TFCP2L1: variants seen among roughly 807,000 people sequenced by gnomAD.
The protein encoded by TFCP2L1 is transcription factor CP2-like protein 1.
In TFCP2L1, 12 loss-of-function variants were observed where a neutral mutation model predicts 72.2. The ratio of observed to expected loss-of-function variants is 0.17; its 90% confidence interval spans 0.11 to 0.27. TFCP2L1 has a LOEUF of 0.27. Ranked by LOEUF, TFCP2L1 falls within the 10% of genes least tolerant of loss-of-function variation. The pLI is 1.00. For missense variants in TFCP2L1, 488 were observed against 624.6 expected (o/e 0.78, Z 2.33); for synonymous variants, 260 against 251.0 (o/e 1.04, Z -0.34).
chr2:121,244,329 G>T (rs1686437405), intron 6 of TFCP2L1, among the ~76,000 whole-genome samples: 1 of 152,252 alleles, frequency 6.6e-6, no homozygotes, highest in Non-Finnish European at 1.5e-5. Flanking sequence ...AGGCTTCCCA[G>T]TAACTGGGGT....
intron 2 of TFCP2L1, among the ~76,000 whole-genome samples, chr2:121,260,871 G>C (rs375398941): frequency 6.6e-6 from 1 of 152,196 alleles, no homozygotes; most frequent in African/African-American, 2.4e-5. Context: ...GCAATTGCCC[G>C]AGCTAGCCAA....
rs1305346656 is a variant in TFCP2L1 at position 121,281,203 on chromosome 2, A to G, written c.131T>C (p.Leu44Pro). 3.7e-6 allele frequency: 6 copies of G among 1,611,240 alleles called. No individual in the cohort carries two copies. Among genetic ancestry groups the G allele is most frequent in the Non-Finnish European group, 4.2e-6 (5 of 1,179,338 alleles). The stretch of plus-strand genomic sequence containing the variant: ...ACACAACACATATTGCAGGGGTGGC[A>G]GGCGGGCCTCGTTCTCGGGGGACAG... The part of the protein sequence containing the change: ...PQLSPENEAR[L>P]PPLQYVLCAA... The change falls in exon 2 of 15, where the codon CTG (leucine) becomes CCG (proline). Residue 44 changes from leucine to proline, a missense_variant. Physicochemically the swap from Leu to Pro is moderately conservative, Grantham distance 98. Around this residue, in one of 3 missense-constraint regions of TFCP2L1, gnomAD observed 73 missense variants for 59.7 expected, o/e 1.22. Transcript: ENST00000263707.
intron 8 of TFCP2L1, among the ~76,000 whole-genome samples, chr2:121,238,059 A>C (rs1211987453): frequency 2.0e-5 from 3 of 152,194 alleles, no homozygotes; most frequent in Non-Finnish European, 4.4e-5. Flanking sequence ...TTCATTGTAG[A>C]CAGCAAGTTC....
At chr2:121,279,045 A>T (rs2104767441) in intron 2 of TFCP2L1, among the ~76,000 whole-genome samples, 1 of 152,098 alleles carries the variant, frequency 6.6e-6, no homozygotes, top group East Asian at 1.9e-4. Context: ...AAGGTAAGGA[A>T]CTCAGCTAAT....
intron 2 of TFCP2L1, among the ~76,000 whole-genome samples, chr2:121,257,725 C>T (rs1009694200): frequency 6.6e-6 from 1 of 152,228 alleles, no homozygotes; most frequent in East Asian, 1.9e-4. Context: ...AGCCAGGAAG[C>T]GGTCACACAC....
intron 8 of TFCP2L1, among the ~76,000 whole-genome samples, chr2:121,239,020 G>A (rs1257749990): frequency 6.6e-6 from 1 of 152,094 alleles, no homozygotes; most frequent in Non-Finnish European, 1.5e-5. Context: ...GTGCTGTGCA[G>A]CCCACAACAC....
chr2:121,252,513 G>C (rs1255317737), intron 2 of TFCP2L1, among the ~76,000 whole-genome samples: 1 of 152,178 alleles, frequency 6.6e-6, no homozygotes, highest in Non-Finnish European at 1.5e-5. Flanking sequence ...AAGATTCTGA[G>C]ACGAGGAAGT....
chr2:121,265,439 C>G (rs547700809), intron 2 of TFCP2L1, among the ~76,000 whole-genome samples: 1 of 151,854 alleles, frequency 6.6e-6, no homozygotes, highest in South Asian at 2.1e-4. Context: ...GAATTTTATA[C>G]AGTAAATGGG....
At chr2:121,250,693 G>A (rs1287000724) in intron 2 of TFCP2L1, among the ~76,000 whole-genome samples, 3 of 148,668 alleles carry the variant, frequency 2.0e-5, no homozygotes, top group Non-Finnish European at 3.0e-5. Flanking sequence ...TGCAACCTCC[G>A]CCTTGTGGGT....
At chr2:121,281,337 G>A (rs573974041) in intron 1 of TFCP2L1, 66 bp from the exon 2 acceptor site, 47 of 1,509,142 alleles carry the variant, frequency 3.1e-5, no homozygotes, top group East Asian at 9.2e-5. Context: ...GAGCCAGGGC[G>A]AAGCTAGAGA....
chr2:121,232,107 TTTTTGTTTTG>T (rs3835787), intron 12 of TFCP2L1, 139 bp from the exon 13 acceptor site: 183,759 of 531,886 alleles, frequency 0.35, 42,048 homozygotes, highest in Non-Finnish European at 0.37. Flanking sequence ...ACTGCCACTC[TTTTTGTTTTG>T]TTTTGTTTTG....
chr2:121,253,971 G>A (rs2104714768), intron 2 of TFCP2L1, among the ~76,000 whole-genome samples: 1 of 152,240 alleles, frequency 6.6e-6, no homozygotes, highest in East Asian at 1.9e-4. Flanking sequence ...CCACGCAGAA[G>A]GCCACCACCC....
chr2:121,246,857 C>T lies in TFCP2L1; in HGVS notation c.618G>A (p.Glu206=), dbSNP rs764845604. The T allele has an allele frequency of 3.1e-6, 5 of 1,614,166 alleles. No individual in the cohort carries two copies. Among genetic ancestry groups the T allele is most frequent in the Non-Finnish European group, 4.2e-6 (5 of 1,180,022 alleles). The part of the protein sequence containing the change: ...FKQNENGEYT[E]HLHSASCQIK... ...TCTGGCAGCTGGCTGAGTGCAGGTG[C>T]TCCGTGTACTCCCCATTCTCGTTCT... Residue 206 remains glutamate, a synonymous_variant, in exon 6 of 15, where the codon GAG becomes GAA. Transcript: ENST00000263707.
intron 2 of TFCP2L1, among the ~76,000 whole-genome samples, chr2:121,278,484 G>C (rs1687191870): frequency 6.7e-6 from 1 of 149,466 alleles, no homozygotes; most frequent in Admixed American, 6.7e-5. Context: ...TCAGGAGTTT[G>C]AGACCAGCCT....
chr2:121,252,019 T>C (rs1436024603), intron 2 of TFCP2L1, among the ~76,000 whole-genome samples: 2 of 152,064 alleles, frequency 1.3e-5, no homozygotes, highest in East Asian at 1.9e-4. Context: ...TCTATTCTAT[T>C]GTATTCTATT....
At chr2:121,246,153 C>T (rs1686476469) in intron 6 of TFCP2L1, among the ~76,000 whole-genome samples, 2 of 152,182 alleles carry the variant, frequency 1.3e-5, no homozygotes, top group Admixed American at 1.3e-4. Flanking sequence ...TGCCCTCATG[C>T]CCTGAGAATG....
chr2:121,266,482 GC>G (rs1231414528), intron 2 of TFCP2L1, among the ~76,000 whole-genome samples: 3 of 152,144 alleles, frequency 2.0e-5, no homozygotes, highest in African/African-American at 7.2e-5. Context: ...CTCTCCTCCA[GC>G]CCCACTGATG....
intron 2 of TFCP2L1, among the ~76,000 whole-genome samples, chr2:121,275,070 A>G (rs1365728774): frequency 1.3e-5 from 2 of 152,116 alleles, no homozygotes; most frequent in African/African-American, 2.4e-5. Flanking sequence ...TCTGCCCTAA[A>G]TAACAAAAGG....
chr2:121,235,512 G>T (rs1346119523), intron 10 of TFCP2L1, among the ~76,000 whole-genome samples: 1 of 151,288 alleles, frequency 6.6e-6, no homozygotes, highest in Non-Finnish European at 1.5e-5. Context: ...ACAACAGTGA[G>T]TACAACAGAA....
Sources: allele counts gnomAD v4.1 joint callset (sites outside exome capture counted in the v4.1 genomes callset), GRCh38; gene constraint gnomAD v4.1.1; regional missense constraint gnomAD v4.1.1; transcripts MANE v1.5; gene names NCBI Gene and HGNC (gene_info 2026-07-23, HGNC 2026-07-21).